VEZT: variants seen among roughly 807,000 people sequenced by gnomAD.
VEZT encodes the protein vezatin.
Under a neutral mutation model 79.9 loss-of-function variants are expected in VEZT, and 39 were observed. That is an observed-to-expected ratio of 0.49 (90% CI 0.38 to 0.64). The LOEUF is 0.64. Ranked by LOEUF, VEZT falls within the 30% of genes least tolerant of loss-of-function variation. The pLI, the probability that VEZT is intolerant of heterozygous loss-of-function variation, is 0.00. For synonymous variants in VEZT, 325 were observed against 327.6 expected, an observed-to-expected ratio of 0.99 and a Z score of 0.09; for missense variants, 837 against 893.1, an observed-to-expected ratio of 0.94 and a Z score of 0.80.
At position 95,300,702 on chromosome 12, in the gene VEZT, G is replaced by A. The variant is rs1204598700; in HGVS notation, c.*29G>A. 6.5e-7 allele frequency: 1 copy of A among 1,526,872 alleles called. No individual in the cohort carries two copies. The highest frequency in any genetic ancestry group is 2.3e-5 in the East Asian group (1 of 43,984). 94.6% of individuals were successfully genotyped at this position (1,526,872 alleles called of 1,614,324 possible). A position where few individuals can be genotyped will look rare whatever the true frequency, so the allele number is the denominator to read the frequency against. Reference sequence around the variant, plus strand: ...CCAAGATTCATATGAAGTGATATTAGATTGTTCCTTTTACAAAAGTGTTTA... The same window carrying A: ...CCAAGATTCATATGAAGTGATATTAAATTGTTCCTTTTACAAAAGTGTTTA... On this transcript the variant is annotated 3_prime_UTR_variant, in exon 12 of 12. Coordinates refer to ENST00000436874, the MANE Select transcript of VEZT (RefSeq NM_017599.4).
At chr12:95,254,637 C>T (rs185979313) in intron 2 of VEZT, among the ~76,000 whole-genome samples, 34 of 152,264 alleles carry the variant, frequency 2.2e-4, no homozygotes, top group Middle Eastern at 6.8e-3. Context: ...AGCCACCATG[C>T]CCGACCAATT....
chr12:95,263,200 T>C (rs2064863735), intron 4 of VEZT, 119 bp downstream of exon 4: 3 of 963,028 alleles, frequency 3.1e-6, no homozygotes, highest in Non-Finnish European at 4.3e-6. Flanking sequence ...AGCAGTACAA[T>C]TAAAGTAACA....
At chr12:95,242,734 G>A (rs1279367624) in intron 1 of VEZT, among the ~76,000 whole-genome samples, 1 of 152,052 alleles carries the variant, frequency 6.6e-6, no homozygotes, top group Non-Finnish European at 1.5e-5. Flanking sequence ...TCAGCTGGGC[G>A]TGGTGGCTGG....
At chr12:95,253,302 C>G (rs1285028237) in intron 2 of VEZT, among the ~76,000 whole-genome samples, 1 of 152,166 alleles carries the variant, frequency 6.6e-6, no homozygotes, top group Non-Finnish European at 1.5e-5. Context: ...ATCCTTTCCC[C>G]AATCTTCTTA....
At chr12:95,221,907 A>T (rs1244419300) in intron 1 of VEZT, among the ~76,000 whole-genome samples, 1 of 152,172 alleles carries the variant, frequency 6.6e-6, no homozygotes, top group Non-Finnish European at 1.5e-5. Context: ...GATAACAACT[A>T]TTTACATAGT....
At chr12:95,272,957 A>G (rs1458987017) in intron 6 of VEZT, among the ~76,000 whole-genome samples, 1 of 152,150 alleles carries the variant, frequency 6.6e-6, no homozygotes, top group African/African-American at 2.4e-5. Context: ...CATTTTGCCC[A>G]GGTTGGTCTC....
chr12:95,245,468 C>T (rs1287992408), intron 1 of VEZT: 2 of 455,102 alleles, frequency 4.4e-6, no homozygotes, highest in African/African-American at 4.0e-5. Flanking sequence ...AGAAGTATTA[C>T]AAGATAAAAC....
At chr12:95,223,720 G>C (rs2057972372) in intron 1 of VEZT, among the ~76,000 whole-genome samples, 1 of 152,130 alleles carries the variant, frequency 6.6e-6, no homozygotes, top group African/African-American at 2.4e-5. Context: ...CAAAGTGCTG[G>C]GATTACAGAT....
chr12:95,282,805 AT>A (rs1400182661), intron 8 of VEZT, among the ~76,000 whole-genome samples, 161 bp downstream of exon 8: 35 of 151,488 alleles, frequency 2.3e-4, no homozygotes, highest in East Asian at 3.9e-4. Flanking sequence ...AAAAAAAAAA[AT>A]AATTTATAAG....
At chr12:95,250,880 A>T (rs145488746) in intron 1 of VEZT, among the ~76,000 whole-genome samples, 11 of 152,176 alleles carry the variant, frequency 7.2e-5, no homozygotes, top group African/African-American at 2.7e-4. Context: ...TTTAATTTTC[A>T]TAAGAACTCT....
intron 1 of VEZT, among the ~76,000 whole-genome samples, chr12:95,232,826 GAC>G (rs892810812): frequency 2.6e-5 from 4 of 152,100 alleles, no homozygotes; most frequent in African/African-American, 7.2e-5. Flanking sequence ...GGTTTTTTGA[GAC>G]AGAGTCTCAC....
intron 9 of VEZT, among the ~76,000 whole-genome samples, chr12:95,291,692 A>G (rs1252536834): frequency 6.6e-6 from 1 of 152,168 alleles, no homozygotes; most frequent in African/African-American, 2.4e-5. Flanking sequence ...GTCTTCAGGG[A>G]GCTTTTTTCA....
chr12:95,264,549 G>A (rs549052723), intron 4 of VEZT, among the ~76,000 whole-genome samples: 8 of 152,092 alleles, frequency 5.3e-5, no homozygotes, highest in Non-Finnish European at 1.0e-4. Context: ...TGATCCTCCT[G>A]CCCTAGCCTC....
intron 1 of VEZT, among the ~76,000 whole-genome samples, chr12:95,241,953 C>A (rs2061079464): frequency 6.6e-6 from 1 of 152,012 alleles, no homozygotes; most frequent in African/African-American, 2.4e-5. Flanking sequence ...ATTTGTTGAC[C>A]TTGGCGAAAA....
At position 95,263,005 on chromosome 12, in the gene VEZT, C is replaced by T. The variant is rs776314202; in HGVS notation, c.358C>T (p.Leu120=). 1 of 1,613,524 alleles carries T rather than the reference C, an allele frequency of 6.2e-7. No individual in the cohort carries two copies. Among genetic ancestry groups the T allele is most frequent in the Non-Finnish European group, 8.5e-7 (1 of 1,179,550 alleles). The part of the protein sequence containing the change: ...ELIELLDPSI[L]SAGQSQQQEN... The stretch of plus-strand genomic sequence containing the variant: ...GATTGAGCTACTTGATCCCAGTATC[C>T]TGTCTGCAGGGCAATCTCAACAACA... The change falls in exon 4 of 12, where the codon CTG becomes TTG. Residue 120 remains leucine, a synonymous_variant. Transcript: ENST00000436874.
At chr12:95,248,538 G>A (rs2062021993) in intron 1 of VEZT, among the ~76,000 whole-genome samples, 1 of 152,126 alleles carries the variant, frequency 6.6e-6, no homozygotes, top group African/African-American at 2.4e-5. Flanking sequence ...AAAAGGAAAG[G>A]ACGTTGGGGT....
intron 7 of VEZT, among the ~76,000 whole-genome samples, chr12:95,277,506 C>T (rs1451794560): frequency 1.3e-5 from 2 of 152,118 alleles, no homozygotes; most frequent in East Asian, 3.8e-4. Context: ...TATATAGCTA[C>T]TCTTTGGGGT....
chr12:95,262,372 A>G (rs1163007723), intron 3 of VEZT: 2 of 152,264 alleles, frequency 1.3e-5, no homozygotes, highest in African/African-American at 4.8e-5. Context: ...AGAAGGAGAA[A>G]TAAATGAGCT....
At chr12:95,232,300 G>A (rs1208461830) in intron 1 of VEZT, among the ~76,000 whole-genome samples, 1 of 152,158 alleles carries the variant, frequency 6.6e-6, no homozygotes, top group African/African-American at 2.4e-5. Flanking sequence ...TAGAGGTTCT[G>A]TTGGCATGGT....
Sources: gnomAD v4.1 joint callset for allele counts (sites outside exome capture counted in the v4.1 genomes callset) on GRCh38, gnomAD v4.1.1 for gene constraint, MANE v1.5 for transcripts, NCBI Gene and HGNC (gene_info 2026-07-23, HGNC 2026-07-21) for gene names.